Variants in CCDC174 observed in about 807,000 individuals in gnomAD.
The protein encoded by CCDC174 is coiled-coil domain containing 174.
Under a neutral mutation model 57.1 loss-of-function variants are expected in CCDC174, and 37 were observed. The ratio of observed to expected loss-of-function variants is 0.65; its 90% CI spans 0.50 to 0.85. The LOEUF is 0.85. Ranked by LOEUF, CCDC174 falls within the 40% of genes least tolerant of loss-of-function variation. The pLI is 0.00. For missense variants in CCDC174, 540 were observed against 574.3 expected (o/e 0.94, Z 0.61); for synonymous variants, 182 against 190.2 (o/e 0.96, Z 0.35).
At chr3:14,655,650 A>G in intron 3 of CCDC174, 21 bp downstream of exon 3, 1 of 1,486,212 alleles carries the variant, frequency 6.7e-7, no homozygotes. Flanking sequence ...AAGCTCTGGT[A>G]AATATAGTTA....
rs57704337 is a variant in CCDC174 at position 14,666,481 on chromosome 3, G to C, written c.582-324G>C. ...CTACTAAAAATACAAAAATTAGCCA[G>C]ATGTGGTGGTGGGTGCCTGTAATCC... On this transcript the variant is annotated intron_variant, in intron 6 of 10. Transcript: ENST00000383794. 9.3e-4 allele frequency among the ~76,000 whole-genome samples: 141 copies of C among 152,232 alleles called. 1 individual carries two copies. The highest frequency in any genetic ancestry group is 3.0e-3 in the African/African-American group (124 of 41,544).
At chr3:14,658,504 A>G (rs1044362093) in intron 3 of CCDC174, among the ~76,000 whole-genome samples, 2 of 152,230 alleles carry the variant, frequency 1.3e-5, no homozygotes, top group African/African-American at 2.4e-5. Context: ...TGGAATGTTG[A>G]CATTTGTTTT....
intron 8 of CCDC174, 166 bp from the exon 9 acceptor site, chr3:14,667,883 A>G (rs1353508942): frequency 1.2e-5 from 8 of 644,404 alleles, no homozygotes; most frequent in Middle Eastern, 4.3e-4. Context: ...GAGGGTTCAT[A>G]GGAGAGTACT....
chr3:14,658,925 T>C lies in CCDC174; in HGVS notation c.303T>C (p.Phe101=), dbSNP rs375941136. The stretch of plus-strand genomic sequence containing the variant: ...ATGAAAAAATGACTAAAGGAGACTT[T>C]ATAGGTAAATAAAATTTGTTATTTC... ...KLYEKMTKGD[F]IDEEVEDMYL... The change falls in exon 4 of 11, where the codon TTT becomes TTC. Residue 101 remains phenylalanine, a synonymous_variant. Transcript: ENST00000383794. 25 of 1,510,906 alleles carry C rather than the reference T, an allele frequency of 1.7e-5. No individual in the cohort carries two copies. The highest frequency in any genetic ancestry group is 3.7e-5 in the Admixed American group (2 of 54,006). The allele number at this position is 1,510,906 out of a possible 1,614,324, so 93.6% of individuals were successfully genotyped here.
At chr3:14,654,650 T>C (rs2030891498) in intron 2 of CCDC174, 120 bp downstream of exon 2, 1 of 530,214 alleles carries the variant, frequency 1.9e-6, no homozygotes. Context: ...AAAATCTCTA[T>C]CTTGTATTTA....
At position 14,671,302 on chromosome 3, in the gene CCDC174, A is replaced by G. The variant is rs1468678797; in HGVS notation, c.*108A>G. On this transcript the variant is annotated 3_prime_UTR_variant, in exon 11 of 11. Coordinates refer to ENST00000383794, the MANE Select transcript of CCDC174 (RefSeq NM_016474.5). ...TGTACCTTTGTCCTGTCCTTTCCCT[A>G]GGAGGCACAGACTTCGGGTTGGATT... The G allele has an allele frequency of 1.7e-6, 2 of 1,167,210 alleles. No homozygotes were observed. Among genetic ancestry groups the G allele is most frequent in the Admixed American group, 5.0e-5 (2 of 40,362 alleles). 72.3% of individuals were successfully genotyped at this position (1,167,210 alleles called of 1,614,324 possible).
intron 6 of CCDC174, 125 bp downstream of exon 6, chr3:14,665,248 T>TTGAC (rs1209443759): frequency 5.9e-6 from 4 of 673,094 alleles, no homozygotes. Flanking sequence ...TATTGATTGA[T>TTGAC]TGATTGATTG....
At chr3:14,670,587 A>G (rs1253207033) in intron 10 of CCDC174, among the ~76,000 whole-genome samples, 2 of 152,226 alleles carry the variant, frequency 1.3e-5, no homozygotes, top group East Asian at 1.9e-4. Flanking sequence ...CCAAAACTCA[A>G]TAACGGACAA....
intron 9 of CCDC174, among the ~76,000 whole-genome samples, chr3:14,669,602 G>A (rs1043809927): frequency 3.9e-5 from 6 of 152,158 alleles, no homozygotes; most frequent in African/African-American, 1.4e-4. Flanking sequence ...GTTTGGAGAA[G>A]CAGAGTGGCA....
chr3:14,669,094 C>T (rs1321783371), intron 9 of CCDC174, among the ~76,000 whole-genome samples: 1 of 152,176 alleles, frequency 6.6e-6, no homozygotes, highest in Non-Finnish European at 1.5e-5. Flanking sequence ...GTGGGCCACA[C>T]CTCACTGTAG....
chr3:14,669,953 T>G lies in CCDC174; in HGVS notation c.972T>G (p.Pro324=), dbSNP rs138513164. The change falls in exon 10 of 11, where the codon CCT becomes CCG. Residue 324 remains proline (P), a synonymous_variant. Transcript: ENST00000383794. ...AAATAGATGGAGATGTTATTGGGCC[T>G]TTGCCACCGGAGCCAGAGGCTGTGC... ...EENRDGDVIG[P]LPPEPEAVPT... The G allele has an allele frequency of 8.1e-6, 13 of 1,613,828 alleles. No individual in the cohort carries two copies. In the African/African-American group the frequency reaches 1.7e-4, roughly 22 times the overall value.
At chr3:14,659,039 A>G (rs1158020358) in intron 4 of CCDC174, 110 bp downstream of exon 4, 3 of 1,067,954 alleles carry the variant, frequency 2.8e-6, no homozygotes, top group Non-Finnish European at 3.9e-6. Context: ...TTAGACGTCA[A>G]AATTTTACTT....
intron 10 of CCDC174, 44 bp downstream of exon 10, chr3:14,670,130 G>A (rs779161687): frequency 2.6e-5 from 40 of 1,564,912 alleles, no homozygotes; most frequent in Non-Finnish European, 3.4e-5. Context: ...TCCAGTGAAT[G>A]GAAAATGGTT....
intron 10 of CCDC174, among the ~76,000 whole-genome samples, 156 bp downstream of exon 10, chr3:14,670,242 T>C (rs754245832): frequency 9.2e-5 from 14 of 152,262 alleles, no homozygotes; most frequent in Non-Finnish European, 1.8e-4. Context: ...TAAAGTATTA[T>C]GAAAGTTTGG....
chr3:14,654,390 T>C, intron 1 of CCDC174, 36 bp from the exon 2 acceptor site: 1 of 1,095,712 alleles, frequency 9.1e-7, no homozygotes, highest in Non-Finnish European at 1.4e-6. Context: ...CCTGCAGGAA[T>C]TTAATATTTT....
intron 6 of CCDC174, among the ~76,000 whole-genome samples, chr3:14,666,592 C>A (rs548270847): frequency 1.3e-5 from 2 of 151,790 alleles, no homozygotes; most frequent in East Asian, 3.9e-4. Flanking sequence ...CACTGCACTC[C>A]AGCCTGGGCG....
At chr3:14,665,229 G>A (rs1375839597) in intron 6 of CCDC174, 106 bp downstream of exon 6, 1 of 779,782 alleles carries the variant, frequency 1.3e-6, no homozygotes, top group South Asian at 1.5e-5. Flanking sequence ...TGTTGCTCCA[G>A]TAAGGAGATA....
At chr3:14,658,165 C>G (rs1197961166) in intron 3 of CCDC174, among the ~76,000 whole-genome samples, 1 of 152,236 alleles carries the variant, frequency 6.6e-6, no homozygotes, top group African/African-American at 2.4e-5. Flanking sequence ...TTGTCCTTCT[C>G]CATCTCTAGA....
chr3:14,651,884 T>C lies in CCDC174; in HGVS notation c.42+6T>C. 1 of 1,613,494 alleles carries C rather than the reference T, an allele frequency of 6.2e-7. No individual in the cohort carries two copies. The highest frequency in any genetic ancestry group is 8.5e-7 in the Non-Finnish European group (1 of 1,179,566). On this transcript the variant is annotated splice_donor_region_variant and intron_variant, in intron 1 of 10. Coordinates refer to ENST00000383794, the MANE Select transcript of CCDC174 (RefSeq NM_016474.5). ...TGGACGTCACGGCCTCCTCGGTGAGTGAGGGTATGAGGTAACTCCACGGGC... is the reference window on the plus strand; with the variant it reads ...TGGACGTCACGGCCTCCTCGGTGAGCGAGGGTATGAGGTAACTCCACGGGC...
Sources: gnomAD v4.1 joint callset for allele counts (sites outside exome capture counted in the v4.1 genomes callset) on GRCh38, gnomAD v4.1.1 for gene constraint, MANE v1.5 for transcripts, NCBI Gene and HGNC (gene_info 2026-07-23, HGNC 2026-07-21) for gene names.